DIAPH2: variants seen among roughly 807,000 people sequenced by gnomAD.
DIAPH2 encodes protein diaphanous homolog 2.
Under a neutral mutation model 92.7 loss-of-function variants are expected in DIAPH2, and 35 were observed. The observed-to-expected ratio is 0.38, with a 90% CI of 0.29 to 0.50. DIAPH2 has a LOEUF of 0.50. Ranked by LOEUF, DIAPH2 falls within the 20% of genes least tolerant of loss-of-function variation. The pLI, the probability that DIAPH2 is intolerant of heterozygous loss-of-function variation, is 0.94. For synonymous variants in DIAPH2, 301 were observed against 280.4 expected, an observed-to-expected ratio of 1.07 and a Z score of -0.73; for missense variants, 701 against 819.5, an observed-to-expected ratio of 0.86 and a Z score of 1.77.
At chrX:96,838,949 G>A (rs926743087) in intron 4 of DIAPH2, among the ~76,000 whole-genome samples, 1 of 111,348 alleles carries the variant, frequency 9.0e-6, no homozygotes, top group Admixed American at 9.6e-5. Context: ...CAGAAAATTT[G>A]GCTTCTAATG....
At chrX:97,197,093 A>G (rs2067711005) in intron 22 of DIAPH2, among the ~76,000 whole-genome samples, 1 of 111,910 alleles carries the variant, frequency 8.9e-6, no homozygotes, top group Non-Finnish European at 1.9e-5. Flanking sequence ...AAATACATAA[A>G]AAACAATAAT....
intron 16 of DIAPH2, among the ~76,000 whole-genome samples, chrX:96,962,916 T>C (rs147966147): frequency 9.0e-4 from 100 of 111,171 alleles, no homozygotes; most frequent in African/African-American, 3.1e-3. Flanking sequence ...TCTTTCTCAT[T>C]TGTGTATCTG....
intron 23 of DIAPH2, among the ~76,000 whole-genome samples, chrX:97,290,561 A>G (rs1457453929): frequency 8.9e-6 from 1 of 112,548 alleles, no homozygotes; most frequent in African/African-American, 3.2e-5. Context: ...GCATAAGAGT[A>G]TTAAACCATG....
intron 17 of DIAPH2, among the ~76,000 whole-genome samples, chrX:97,032,885 G>A (rs1042408064): frequency 9.0e-6 from 1 of 111,230 alleles, no homozygotes; most frequent in Non-Finnish European, 1.9e-5. Flanking sequence ...AGTTTTCCTC[G>A]AATAATTCAG....
intron 17 of DIAPH2, among the ~76,000 whole-genome samples, chrX:97,007,266 C>T (rs2066189736): frequency 9.0e-6 from 1 of 111,710 alleles, no homozygotes; most frequent in South Asian, 3.8e-4. Context: ...CTTACTATTA[C>T]CGGTGAATTT....
At chrX:96,962,478 TACACACACAC>T (rs1159716286) in intron 16 of DIAPH2, among the ~76,000 whole-genome samples, 1 of 25,215 alleles carries the variant, frequency 4.0e-5, no homozygotes, top group African/African-American at 1.3e-4. Context: ...CATATATATA[TACACACACAC>T]ACACACACAT....
At chrX:97,244,703 T>G (rs2068124772) in intron 22 of DIAPH2, among the ~76,000 whole-genome samples, 1 of 111,861 alleles carries the variant, frequency 8.9e-6, no homozygotes, top group African/African-American at 3.2e-5. Flanking sequence ...TATAATAAAC[T>G]GGGAGAAATT....
chrX:96,988,655 C>T (rs754102984), intron 17 of DIAPH2, among the ~76,000 whole-genome samples: 1 of 111,112 alleles, frequency 9.0e-6, no homozygotes, highest in Non-Finnish European at 1.9e-5. Flanking sequence ...CAGTGAAGCT[C>T]GAATTAGTTT....
At chrX:97,372,449 A>T (rs2069456944) in intron 24 of DIAPH2, among the ~76,000 whole-genome samples, 1 of 112,052 alleles carries the variant, frequency 8.9e-6, no homozygotes, top group Non-Finnish European at 1.9e-5. Context: ...TTGTTTCCTA[A>T]GGAGGCTGAA....
intron 22 of DIAPH2, among the ~76,000 whole-genome samples, chrX:97,212,558 A>G (rs2067848978): frequency 9.7e-6 from 1 of 103,365 alleles, no homozygotes; most frequent in South Asian, 4.6e-4. Context: ...AAAACTGTAT[A>G]GTATTAAATA....
At chrX:97,154,589 A>G (rs2067308819) in intron 22 of DIAPH2, among the ~76,000 whole-genome samples, 2 of 111,378 alleles carry the variant, frequency 1.8e-5, no homozygotes, top group Admixed American at 1.9e-4. Context: ...TTTTCCTTCT[A>G]CGTGTCCACA....
chrX:97,570,067 G>A (rs2071353621), intron 26 of DIAPH2, among the ~76,000 whole-genome samples: 1 of 59,440 alleles, frequency 1.7e-5, no homozygotes. Flanking sequence ...AAGTTCATAA[G>A]GCCTTCTAAT....
chrX:97,200,749 C>T (rs1045504901), intron 22 of DIAPH2, among the ~76,000 whole-genome samples: 169 of 111,831 alleles, frequency 1.5e-3, no homozygotes, highest in Non-Finnish European at 1.0e-3. Context: ...TTAATCTTTC[C>T]TGCCTGCCGG....
intron 22 of DIAPH2, among the ~76,000 whole-genome samples, chrX:97,194,221 T>C (rs1271757783): frequency 3.6e-5 from 4 of 111,315 alleles, no homozygotes; most frequent in African/African-American, 6.5e-5. Flanking sequence ...GCTTCTCCCT[T>C]CCCTACCAGA....
intron 17 of DIAPH2, among the ~76,000 whole-genome samples, chrX:96,971,532 C>G: frequency 9.0e-6 from 1 of 111,249 alleles, no homozygotes. Flanking sequence ...TTCTTTTCAG[C>G]ACTTGGTAGA....
chrX:96,860,996 T>C (rs1049391518), intron 4 of DIAPH2, among the ~76,000 whole-genome samples: 4 of 111,795 alleles, frequency 3.6e-5, no homozygotes, highest in Non-Finnish European at 7.5e-5. Context: ...TTTAAGGTTT[T>C]AATGTTATGA....
At chrX:96,698,534 C>T (rs1359271146) in intron 1 of DIAPH2, among the ~76,000 whole-genome samples, 2 of 110,512 alleles carry the variant, frequency 1.8e-5, no homozygotes, top group Non-Finnish European at 3.8e-5. Flanking sequence ...AAACTACGGG[C>T]GTTAAGTGCC....
At chrX:96,950,398 C>G (rs1172801423) in intron 15 of DIAPH2, among the ~76,000 whole-genome samples, 1 of 111,478 alleles carries the variant, frequency 9.0e-6, no homozygotes, top group African/African-American at 3.3e-5. Flanking sequence ...TCTCTTTCCT[C>G]AAACCAGTTT....
chrX:96,992,611 T>G (rs1202257020), intron 17 of DIAPH2, among the ~76,000 whole-genome samples: 2 of 112,257 alleles, frequency 1.8e-5, no homozygotes, highest in Non-Finnish European at 3.8e-5. Flanking sequence ...TCCCTGCTAC[T>G]TCCCCAAATA....
Sources: allele counts gnomAD v4.1 joint callset (sites outside exome capture counted in the v4.1 genomes callset), GRCh38; gene constraint gnomAD v4.1.1; transcripts MANE v1.5; gene names NCBI Gene and HGNC (gene_info 2026-07-23, HGNC 2026-07-21).